Variants in BCL7A observed in about 807,000 individuals in gnomAD.
BCL7A encodes the protein B-cell CLL/lymphoma 7 protein family member A.
BCL7A carries 11 observed loss-of-function variants against 28.4 expected under a neutral mutation model. The ratio of observed to expected loss-of-function variants is 0.39; its 90% CI spans 0.24 to 0.64. The LOEUF (loss-of-function observed/expected upper bound fraction) is 0.64. Ranked by LOEUF, BCL7A falls within the 30% of genes least tolerant of loss-of-function variation. BCL7A has a pLI of 0.50. For missense variants in BCL7A, 222 were observed against 274.8 expected (o/e 0.81, Z 1.36); for synonymous variants, 123 against 103.3 (o/e 1.19, Z -1.15).
chr12:122,023,015 T>G (rs1883506912), intron 1 of BCL7A, among the ~76,000 whole-genome samples: 1 of 152,226 alleles, frequency 6.6e-6, no homozygotes, highest in South Asian at 2.1e-4. Context: ...GCTGTTGTTT[T>G]TGTTCTCTGC....
At chr12:122,042,030 C>T (rs1180605887) in intron 3 of BCL7A, among the ~76,000 whole-genome samples, 1 of 151,774 alleles carries the variant, frequency 6.6e-6, no homozygotes, top group Non-Finnish European at 1.5e-5. Flanking sequence ...GAGCCGAGAT[C>T]GCGCCACCGC....
At position 122,059,382 on chromosome 12, in the gene BCL7A, C is replaced by T; in HGVS notation, c.*219C>T. ...ACACTCAAACCTTTAAGGGACTGTC[C>T]TTGGGGAGGCAGGCGGGGCTGACAG... On this transcript the variant is annotated 3_prime_UTR_variant, in exon 6 of 6. Coordinates refer to ENST00000261822, the MANE Select transcript of BCL7A (RefSeq NM_001024808.3). The surrounding 1 kb of genome is among the most constrained non-coding windows in gnomAD (Gnocchi z 4.0). The T allele has an allele frequency of 2.0e-6, 1 of 495,430 alleles. No homozygotes were observed. The highest frequency in any genetic ancestry group is 3.7e-6 in the Non-Finnish European group (1 of 273,142). 30.7% of individuals were successfully genotyped at this position (495,430 alleles called of 1,614,324 possible).
chr12:122,058,431 G>A (rs1951893686), intron 5 of BCL7A, among the ~76,000 whole-genome samples: 1 of 152,126 alleles, frequency 6.6e-6, no homozygotes, highest in African/African-American at 2.4e-5. Context: ...GGCCGAGGTG[G>A]GCAGATAACC....
intron 1 of BCL7A, among the ~76,000 whole-genome samples, chr12:122,025,544 G>A (rs1253569829): frequency 6.6e-6 from 1 of 151,464 alleles, no homozygotes; most frequent in Admixed American, 6.6e-5. Flanking sequence ...GGAGAATGGC[G>A]GGAACCCAGG....
At chr12:122,025,276 T>G (rs998761210) in intron 1 of BCL7A, among the ~76,000 whole-genome samples, 2 of 151,334 alleles carry the variant, frequency 1.3e-5, no homozygotes, top group African/African-American at 2.4e-5. Context: ...GACAGGAGGA[T>G]TGCTTGAGCC....
At chr12:122,034,329 A>C (rs998539142) in intron 2 of BCL7A, among the ~76,000 whole-genome samples, 1 of 146,324 alleles carries the variant, frequency 6.8e-6, no homozygotes, top group Non-Finnish European at 1.5e-5. Flanking sequence ...ATTCCCTGTA[A>C]TTGTTGCATC....
intron 4 of BCL7A, among the ~76,000 whole-genome samples, chr12:122,054,187 C>G (rs1270401873): frequency 6.6e-6 from 1 of 152,164 alleles, no homozygotes; most frequent in Non-Finnish European, 1.5e-5. Context: ...CGGGTTCACG[C>G]CATCCTCCTG....
At position 122,043,879 on chromosome 12, in the gene BCL7A, C is replaced by A. The variant is rs371454940; in HGVS notation, c.272-7C>A. ...TCATCCTGTGGTTCTGTTCCCACCC[C>A]CTACAGACGATAACAGCAACCAGAG... On this transcript the variant is annotated splice_polypyrimidine_tract_variant and splice_region_variant and intron_variant, in intron 3 of 5. Coordinates refer to ENST00000261822, the MANE Select transcript of BCL7A (RefSeq NM_001024808.3). The A allele has an allele frequency of 1.6e-5, 26 of 1,609,922 alleles. No individual in the cohort carries two copies. Among genetic ancestry groups the A allele is most frequent in the Non-Finnish European group, 1.9e-5 (22 of 1,178,126 alleles).
At chr12:122,048,953 G>A (rs1364005501) in intron 4 of BCL7A, among the ~76,000 whole-genome samples, 3 of 149,962 alleles carry the variant, frequency 2.0e-5, no homozygotes, top group East Asian at 2.0e-4. Context: ...CCCAGGAGGC[G>A]GAGGTTTTAG....
intron 1 of BCL7A, among the ~76,000 whole-genome samples, chr12:122,025,110 T>C (rs2135837170): frequency 6.6e-6 from 1 of 152,206 alleles, no homozygotes; most frequent in South Asian, 2.1e-4. Context: ...GGTGGGCCTC[T>C]TTTTGGGAAA....
In BCL7A at chr12:122,047,518, C is replaced by T. The variant is rs147889850; in HGVS notation, c.439+3465C>T. Among the ~76,000 whole-genome samples the T allele has an allele frequency of 2.1e-3, 318 of 150,812 alleles. 4 individuals are homozygous for T. The highest frequency in any genetic ancestry group is 0.017 in the Admixed American group (265 of 15,150). On this transcript the variant is annotated intron_variant, in intron 4 of 5. Coordinates refer to ENST00000261822, the MANE Select transcript of BCL7A (RefSeq NM_001024808.3). Reference sequence around the variant, plus strand: ...CAGCCTGGGCGACAGAGCGAGAATCCGTCTCAGAAAAAAAAAAAGAAAAAA... The same window carrying T: ...CAGCCTGGGCGACAGAGCGAGAATCTGTCTCAGAAAAAAAAAAAGAAAAAA...
At chr12:122,046,753 T>C (rs1278501505) in intron 4 of BCL7A, among the ~76,000 whole-genome samples, 1 of 152,186 alleles carries the variant, frequency 6.6e-6, no homozygotes, top group African/African-American at 2.4e-5. Context: ...CCGGGCCTGC[T>C]CTTCCCTGGG....
intron 2 of BCL7A, among the ~76,000 whole-genome samples, chr12:122,030,997 G>T (rs1883731757): frequency 6.6e-6 from 1 of 152,060 alleles, no homozygotes; most frequent in Non-Finnish European, 1.5e-5. Context: ...GCGGTGGACG[G>T]GGGGATCCCG....
chr12:122,045,114 C>T (rs954160737), intron 4 of BCL7A, among the ~76,000 whole-genome samples: 25 of 152,250 alleles, frequency 1.6e-4, no homozygotes, highest in Non-Finnish European at 2.5e-4. Flanking sequence ...GGCGCGGTGG[C>T]TCACGCCTGT....
At chr12:122,047,377 A>G (rs1884098398) in intron 4 of BCL7A, among the ~76,000 whole-genome samples, 1 of 151,850 alleles carries the variant, frequency 6.6e-6, no homozygotes, top group Non-Finnish European at 1.5e-5. Flanking sequence ...CAAAAAAATT[A>G]TCCGGGCATG....
intron 1 of BCL7A, among the ~76,000 whole-genome samples, chr12:122,025,499 C>A (rs1283126926): frequency 6.6e-6 from 1 of 151,616 alleles, no homozygotes; most frequent in Admixed American, 6.6e-5. Flanking sequence ...TGGTGGCGGG[C>A]GCCTGTAGTC....
intron 3 of BCL7A, 118 bp downstream of exon 3, chr12:122,035,545 C>A: frequency 1.1e-6 from 1 of 871,242 alleles, no homozygotes; most frequent in Non-Finnish European, 1.8e-6. Flanking sequence ...GGTAGGAGGG[C>A]TGGGCAGGGC....
intron 4 of BCL7A, among the ~76,000 whole-genome samples, chr12:122,053,009 G>A (rs950356058): frequency 2.1e-5 from 3 of 141,486 alleles, no homozygotes; most frequent in African/African-American, 5.3e-5. Flanking sequence ...TGTTGTTGTC[G>A]TTTTTTGAGA....
At chr12:122,025,872 G>A (rs1210537954) in intron 1 of BCL7A, among the ~76,000 whole-genome samples, 1 of 147,484 alleles carries the variant, frequency 6.8e-6, no homozygotes, top group Non-Finnish European at 1.5e-5. Flanking sequence ...GCTTGAACCT[G>A]GGAGGCGCAG....
Sources: allele counts gnomAD v4.1 joint callset (sites outside exome capture counted in the v4.1 genomes callset), GRCh38; gene constraint gnomAD v4.1.1; non-coding constraint Gnocchi (gnomAD v3.1); transcripts MANE v1.5; gene names NCBI Gene and HGNC (gene_info 2026-07-23, HGNC 2026-07-21).